PLEKHA7: variants seen among roughly 807,000 people sequenced by gnomAD.
PLEKHA7 encodes pleckstrin homology domain containing A7, also known as pleckstrin homology domain-containing family A member 7.
In PLEKHA7, 104 loss-of-function variants were observed where a neutral mutation model predicts 170.0. That is an observed-to-expected ratio of 0.61 (90% CI 0.52 to 0.72). The LOEUF is 0.72. PLEKHA7 is among the 30% of genes least tolerant of loss of function. PLEKHA7 has a pLI of 0.00. For synonymous variants in PLEKHA7, 648 were observed against 660.8 expected, an observed-to-expected ratio of 0.98 and a Z score of 0.30; for missense variants, 1,615 against 1,671.7, an observed-to-expected ratio of 0.97 and a Z score of 0.59.
At chr11:16,978,609 G>A (rs796536329) in intron 3 of PLEKHA7, among the ~76,000 whole-genome samples, 35 of 152,330 alleles carry the variant, frequency 2.3e-4, no homozygotes, top group African/African-American at 7.9e-4. Context: ...GGATGGTACC[G>A]AAATTTCATT....
intron 3 of PLEKHA7, among the ~76,000 whole-genome samples, chr11:16,938,328 T>G (rs551724119): frequency 2.5e-4 from 38 of 152,268 alleles, no homozygotes; most frequent in African/African-American, 8.9e-4. Flanking sequence ...TCTGTTTGAT[T>G]TGTGTGATCT....
At chr11:16,963,196 A>G (rs574634360) in intron 3 of PLEKHA7, among the ~76,000 whole-genome samples, 2 of 152,356 alleles carry the variant, frequency 1.3e-5, no homozygotes, top group African/African-American at 4.8e-5. Flanking sequence ...ACATTAGAAA[A>G]GCAGAGAAGC....
At chr11:16,987,864 T>C (rs933192121) in intron 3 of PLEKHA7, among the ~76,000 whole-genome samples, 1 of 152,208 alleles carries the variant, frequency 6.6e-6, no homozygotes, top group Non-Finnish European at 1.5e-5. Context: ...AGGAAACTCA[T>C]TTGATAACAT....
Position 16,851,275 on chromosome 11 carries a change from C to G in PLEKHA7, c.612G>C (p.Ala204=), listed in dbSNP as rs61757730. The stretch of plus-strand genomic sequence containing the variant: ...TGGGCAAGGGGATGCTCCCGAGGAC[C>G]GCTTCTTCTCGGCTGTCTTTGAATG... ...LFYYKDSREE[A]VLGSIPLPSY... is the part of the protein sequence containing the mutation. The change falls in exon 8 of 27, where the codon GCG becomes GCC. Residue 204 remains alanine (A), a synonymous_variant. Coordinates refer to ENST00000531066, the MANE Select transcript of PLEKHA7 (RefSeq NM_001329630.2). 3.8e-3 allele frequency: 6,077 copies of G among 1,610,450 alleles called. 290 individuals are homozygous for G. The East Asian group carries it at 0.11, about 28-fold the overall frequency.
At chr11:16,970,666 CA>C (rs537512055) in intron 3 of PLEKHA7, among the ~76,000 whole-genome samples, 1 of 146,826 alleles carries the variant, frequency 6.8e-6, no homozygotes, top group Admixed American at 6.8e-5. Context: ...GACTCCATCT[CA>C]AAAAAAAACA....
chr11:17,002,236 G>C lies in PLEKHA7; in HGVS notation c.221+11753C>G, dbSNP rs562438965. On this transcript the variant is annotated intron_variant, in intron 3 of 26. Transcript: ENST00000531066. Reference sequence around the variant, plus strand: ...CTTCTGAGGGATAACCCTAGAGGGAGGAATCAGTAGAGAGGGAGTTAGCTG... The same window carrying C: ...CTTCTGAGGGATAACCCTAGAGGGACGAATCAGTAGAGAGGGAGTTAGCTG... 3.3e-5 allele frequency among the ~76,000 whole-genome samples: 5 copies of C among 152,312 alleles called. No individual in the cohort carries two copies. In the South Asian group the frequency reaches 6.2e-4, roughly 19 times the overall value.
intron 4 of PLEKHA7, among the ~76,000 whole-genome samples, chr11:16,860,744 G>C (rs540095306): frequency 6.6e-6 from 1 of 152,172 alleles, no homozygotes; most frequent in Non-Finnish European, 1.5e-5. Flanking sequence ...AGAGAAGCAG[G>C]CTTTTGCTCT....
At chr11:16,960,132 T>C (rs980256324) in intron 3 of PLEKHA7, among the ~76,000 whole-genome samples, 1 of 152,156 alleles carries the variant, frequency 6.6e-6, no homozygotes, top group East Asian at 1.9e-4. Context: ...GGCTTCACTC[T>C]CCACTTTAGG....
At chr11:16,951,730 G>A (rs1435795847) in intron 3 of PLEKHA7, among the ~76,000 whole-genome samples, 1 of 152,162 alleles carries the variant, frequency 6.6e-6, no homozygotes, top group African/African-American at 2.4e-5. Flanking sequence ...TTTTAATCAG[G>A]GAATGCCTCT....
chr11:16,840,816 C>T (rs6486314), intron 9 of PLEKHA7, among the ~76,000 whole-genome samples: 9,839 of 152,114 alleles, frequency 0.065, 1,019 homozygotes, highest in African/African-American at 0.22. Context: ...CCACGAATTC[C>T]GAAAACCACA....
chr11:16,991,110 G>A (rs1864018514), intron 3 of PLEKHA7, among the ~76,000 whole-genome samples: 1 of 152,112 alleles, frequency 6.6e-6, no homozygotes, highest in Non-Finnish European at 1.5e-5. Flanking sequence ...TCTTTGGGGA[G>A]CCCTCAGCCG....
chr11:16,794,397 CA>C, intron 19 of PLEKHA7, 90 bp downstream of exon 19: 1 of 1,336,836 alleles, frequency 7.5e-7, no homozygotes, highest in East Asian at 2.3e-5. Context: ...TCCATTTCCC[CA>C]AGTTTTCCCA....
At chr11:16,968,922 G>A (rs571619348) in intron 3 of PLEKHA7, among the ~76,000 whole-genome samples, 1 of 152,286 alleles carries the variant, frequency 6.6e-6, no homozygotes, top group East Asian at 1.9e-4. Context: ...ATGCCAAGAA[G>A]TTCTTAATGT....
At chr11:16,936,470 A>C in intron 3 of PLEKHA7, among the ~76,000 whole-genome samples, 1 of 151,564 alleles carries the variant, frequency 6.6e-6, no homozygotes, top group Non-Finnish European at 1.5e-5. Flanking sequence ...AAAGCAATTA[A>C]AAACACATGC....
intron 9 of PLEKHA7, among the ~76,000 whole-genome samples, chr11:16,839,648 G>C (rs574403644): frequency 1.6e-4 from 24 of 152,100 alleles, no homozygotes; most frequent in Middle Eastern, 3.4e-3. Context: ...AAACAATACA[G>C]TATAACAACT....
intron 10 of PLEKHA7, among the ~76,000 whole-genome samples, chr11:16,823,802 T>C (rs966210838): frequency 7.9e-5 from 12 of 152,202 alleles, no homozygotes; most frequent in Admixed American, 1.3e-4. Flanking sequence ...CAAAATTCTA[T>C]AGATCTGTTT....
chr11:16,943,858 T>C (rs1370113878), intron 3 of PLEKHA7, among the ~76,000 whole-genome samples: 1 of 152,136 alleles, frequency 6.6e-6, no homozygotes, highest in Non-Finnish European at 1.5e-5. Flanking sequence ...GATCTGTCCT[T>C]GGGTTCCCAA....
intron 3 of PLEKHA7, among the ~76,000 whole-genome samples, chr11:16,880,403 A>G (rs1200454348): frequency 6.6e-6 from 1 of 152,228 alleles, no homozygotes; most frequent in African/African-American, 2.4e-5. Flanking sequence ...GTTGTTATAA[A>G]GAACACTGAT....
chr11:16,809,277 G>T (rs1362640780), intron 13 of PLEKHA7, among the ~76,000 whole-genome samples: 1 of 152,214 alleles, frequency 6.6e-6, no homozygotes, highest in Admixed American at 6.5e-5. Context: ...AAGCACCCCT[G>T]ATTCTGGAAG....
Sources: allele counts gnomAD v4.1 joint callset (sites outside exome capture counted in the v4.1 genomes callset), GRCh38; gene constraint gnomAD v4.1.1; transcripts MANE v1.5; gene names NCBI Gene and HGNC (gene_info 2026-07-23, HGNC 2026-07-21).